The following SLC10A7 variants were observed in gnomAD, a reference collection of about 807,000 sequenced individuals.
The protein encoded by SLC10A7 is sodium/bile acid cotransporter 7.
Under a neutral mutation model 43.2 loss-of-function variants are expected in SLC10A7, and 29 were observed. The ratio of observed to expected loss-of-function variants is 0.67; its 90% CI spans 0.50 to 0.92. SLC10A7 has a LOEUF of 0.92. Among genes scored for constraint, SLC10A7 ranks in the 40% least tolerant of loss-of-function variants. The pLI is 0.00. For synonymous variants in SLC10A7, 152 were observed against 144.8 expected (o/e 1.05, Z -0.35); for missense variants, 295 against 403.2 (o/e 0.73, Z 2.30).
intron 3 of SLC10A7, among the ~76,000 whole-genome samples, chr4:146,508,425 C>A (rs1027956556): frequency 6.6e-6 from 1 of 152,148 alleles, no homozygotes; most frequent in African/African-American, 2.4e-5. Flanking sequence ...ATGATGTCAT[C>A]ATATTTATGT....
intron 11 of SLC10A7, 75 bp downstream of exon 11, chr4:146,258,617 T>C: frequency 6.9e-7 from 1 of 1,443,816 alleles, no homozygotes; most frequent in Non-Finnish European, 9.3e-7. Flanking sequence ...AAATCGAAAG[T>C]GTATGAACAG....
intron 6 of SLC10A7, among the ~76,000 whole-genome samples, chr4:146,308,674 T>G (rs570702791): frequency 6.6e-6 from 1 of 152,136 alleles, no homozygotes; most frequent in African/African-American, 2.4e-5. Context: ...TGCCCTGGAC[T>G]TCATTGAGCC....
chr4:146,318,175 G>A (rs1258300832), intron 6 of SLC10A7, among the ~76,000 whole-genome samples: 1 of 150,536 alleles, frequency 6.6e-6, no homozygotes, highest in African/African-American at 2.4e-5. Flanking sequence ...TACTTTGTTA[G>A]TACCCCATTT....
chr4:146,297,843 A>G (rs1730890810), intron 7 of SLC10A7, among the ~76,000 whole-genome samples: 1 of 152,206 alleles, frequency 6.6e-6, no homozygotes. Context: ...GGCACAATGA[A>G]CACTTATTAT....
At chr4:146,362,365 A>G (rs1462291515) in intron 5 of SLC10A7, among the ~76,000 whole-genome samples, 1 of 152,126 alleles carries the variant, frequency 6.6e-6, no homozygotes, top group Non-Finnish European at 1.5e-5. Flanking sequence ...AAAAGAGGCA[A>G]ATAACATATA....
chr4:146,415,870 A>C (rs2149839239), intron 5 of SLC10A7, among the ~76,000 whole-genome samples: 1 of 152,298 alleles, frequency 6.6e-6, no homozygotes, highest in African/African-American at 2.4e-5. Context: ...GAAATATCAT[A>C]GATTGCGAAT....
intron 4 of SLC10A7, among the ~76,000 whole-genome samples, chr4:146,458,937 C>T (rs1367275681): frequency 6.6e-6 from 1 of 151,558 alleles, no homozygotes; most frequent in Non-Finnish European, 1.5e-5. Context: ...ATAAACCTGC[C>T]TTTATTCACA....
At chr4:146,323,501 T>C (rs1185417934) in intron 6 of SLC10A7, among the ~76,000 whole-genome samples, 5 of 152,208 alleles carry the variant, frequency 3.3e-5, no homozygotes, top group African/African-American at 4.8e-5. Flanking sequence ...CCCCATTTCT[T>C]GTTTTTGTCA....
chr4:146,437,754 T>G (rs1023509051), intron 5 of SLC10A7, among the ~76,000 whole-genome samples: 4 of 152,060 alleles, frequency 2.6e-5, no homozygotes, highest in South Asian at 4.1e-4. Flanking sequence ...GCCTCTTTGT[T>G]TAACATTTGA....
intron 9 of SLC10A7, among the ~76,000 whole-genome samples, chr4:146,289,121 G>A (rs1162258247): frequency 2.6e-5 from 4 of 152,140 alleles, no homozygotes; most frequent in East Asian, 1.9e-4. Context: ...GTCTCTGCTC[G>A]TTTTCAGAGA....
intron 5 of SLC10A7, among the ~76,000 whole-genome samples, chr4:146,344,885 TAA>T (rs1393219143): frequency 6.6e-6 from 1 of 152,162 alleles, no homozygotes; most frequent in African/African-American, 2.4e-5. Context: ...TTTCCAGCTT[TAA>T]TTTCAAATGT....
At chr4:146,456,485 T>C (rs1052205496) in intron 4 of SLC10A7, among the ~76,000 whole-genome samples, 4 of 151,944 alleles carry the variant, frequency 2.6e-5, no homozygotes, top group Non-Finnish European at 5.9e-5. Context: ...ATCCACACTT[T>C]TGACCAACTG....
intron 5 of SLC10A7, among the ~76,000 whole-genome samples, chr4:146,399,265 T>A (rs75999781): frequency 0.054 from 8,149 of 151,976 alleles, 255 homozygotes; most frequent in Middle Eastern, 0.089. Flanking sequence ...CTGTGGAGGG[T>A]GTAGCATAAG....
chr4:146,505,314 T>C (rs1032996100), intron 3 of SLC10A7, among the ~76,000 whole-genome samples: 1 of 152,216 alleles, frequency 6.6e-6, no homozygotes, highest in African/African-American at 2.4e-5. Context: ...TTTTCTTCCT[T>C]ATAATTTTCT....
chr4:146,315,034 T>A (rs1397636359), intron 6 of SLC10A7, among the ~76,000 whole-genome samples: 2 of 152,134 alleles, frequency 1.3e-5, no homozygotes, highest in African/African-American at 4.8e-5. Flanking sequence ...GGTAGCTTCC[T>A]TTCATTCCTC....
chr4:146,303,201 C>A (rs750550161), intron 7 of SLC10A7, among the ~76,000 whole-genome samples: 11 of 152,144 alleles, frequency 7.2e-5, no homozygotes, highest in Non-Finnish European at 1.3e-4. Flanking sequence ...TCTACTGAGA[C>A]CTTTGCTGGG....
intron 6 of SLC10A7, among the ~76,000 whole-genome samples, chr4:146,325,261 C>G (rs1262279850): frequency 6.6e-6 from 1 of 152,128 alleles, no homozygotes; most frequent in Admixed American, 6.5e-5. Flanking sequence ...TTTTAGGTAT[C>G]ATTCATGATT....
intron 5 of SLC10A7, among the ~76,000 whole-genome samples, chr4:146,367,775 A>G (rs1416842661): frequency 1.3e-5 from 2 of 152,096 alleles, no homozygotes; most frequent in Non-Finnish European, 2.9e-5. Flanking sequence ...AGTTATTTAT[A>G]CTCTTCTACC....
At chr4:146,515,609 T>C (rs1490818844) in intron 2 of SLC10A7, among the ~76,000 whole-genome samples, 1 of 152,068 alleles carries the variant, frequency 6.6e-6, no homozygotes, top group African/African-American at 2.4e-5. Context: ...CCTACGTATA[T>C]CAAAAAATAC....
Sources: gnomAD v4.1 joint callset for allele counts (sites outside exome capture counted in the v4.1 genomes callset) on GRCh38, gnomAD v4.1.1 for gene constraint, MANE v1.5 for transcripts, NCBI Gene and HGNC (gene_info 2026-07-23, HGNC 2026-07-21) for gene names.